LINGO2: variants seen among roughly 807,000 people sequenced by gnomAD.
LINGO2 encodes leucine rich repeat and Ig domain containing 2.
Under a neutral mutation model 30.6 loss-of-function variants are expected in LINGO2, and 14 were observed. That is an observed-to-expected ratio of 0.46 (90% CI 0.30 to 0.72). The LOEUF (loss-of-function observed/expected upper bound fraction) is 0.72. Ranked by LOEUF, LINGO2 falls within the 30% of genes least tolerant of loss-of-function variation. The pLI is 0.07. For synonymous variants in LINGO2, 317 were observed against 288.5 expected (o/e 1.10, Z -1.00); for missense variants, 729 against 751.7 (o/e 0.97, Z 0.35).
At chr9:28,260,006 C>T (rs949487351) in intron 4 of LINGO2, among the ~76,000 whole-genome samples, 3 of 151,800 alleles carry the variant, frequency 2.0e-5, no homozygotes, top group Non-Finnish European at 2.9e-5. Flanking sequence ...ATATTGTGCC[C>T]CATGGACAAC....
chr9:28,844,812 A>C, the LINGO2 span, among the ~76,000 whole-genome samples: 1 of 151,842 alleles, frequency 6.6e-6, no homozygotes, highest in Non-Finnish European at 1.5e-5. Context: ...CAAGATATAC[A>C]GTTTGTCATT....
chr9:28,160,806 G>T (rs1418776721), intron 4 of LINGO2, among the ~76,000 whole-genome samples: 1 of 152,094 alleles, frequency 6.6e-6, no homozygotes, highest in African/African-American at 2.4e-5. Flanking sequence ...TGAGTATCAG[G>T]TACTACACTG....
chr9:28,408,118 T>C (rs891771599), intron 2 of LINGO2, among the ~76,000 whole-genome samples: 3 of 152,150 alleles, frequency 2.0e-5, no homozygotes, highest in African/African-American at 7.2e-5. Context: ...TGAGGGACTG[T>C]TGGGTAAAAC....
At chr9:28,785,721 A>C in the LINGO2 span, among the ~76,000 whole-genome samples, 195 of 147,894 alleles carry the variant, frequency 1.3e-3, no homozygotes, top group African/African-American at 4.6e-3. Context: ...CACACACTAC[A>C]TCAACAATTT....
chr9:28,435,502 T>C (rs1336145578), intron 2 of LINGO2, among the ~76,000 whole-genome samples: 1 of 152,184 alleles, frequency 6.6e-6, no homozygotes, highest in East Asian at 1.9e-4. Flanking sequence ...TAATGATCTC[T>C]GGACTGTGAG....
intron 1 of LINGO2, among the ~76,000 whole-genome samples, chr9:28,589,508 C>A (rs1025048450): frequency 6.6e-5 from 10 of 152,152 alleles, no homozygotes; most frequent in African/African-American, 2.2e-4. Context: ...ACACCAATAA[C>A]AGACAAACAG....
chr9:28,356,419 T>C (rs757959047), intron 3 of LINGO2, among the ~76,000 whole-genome samples: 1 of 152,150 alleles, frequency 6.6e-6, no homozygotes, highest in African/African-American at 2.4e-5. Context: ...TTCTGGCAGC[T>C]ACAGAAACTG....
At chr9:28,599,345 C>G (rs1464763372) in intron 1 of LINGO2, 1 of 152,054 alleles carries the variant, frequency 6.6e-6, no homozygotes, top group Non-Finnish European at 1.5e-5. Flanking sequence ...GTATGTAATA[C>G]TGAACAATAT....
At chr9:28,311,701 T>TTTCAAG (rs1219896222) in intron 3 of LINGO2, among the ~76,000 whole-genome samples, 1 of 152,208 alleles carries the variant, frequency 6.6e-6, no homozygotes, top group Non-Finnish European at 1.5e-5. Context: ...CCTGTTCCTT[T>TTTCAAG]TTCAAGGTGC....
intron 2 of LINGO2, among the ~76,000 whole-genome samples, chr9:28,400,078 G>A (rs1822199340): frequency 6.6e-6 from 1 of 152,166 alleles, no homozygotes; most frequent in African/African-American, 2.4e-5. Context: ...ACACAATGGA[G>A]CTGACCACGG....
chr9:28,653,128 C>T (rs1441742723), intron 1 of LINGO2, among the ~76,000 whole-genome samples: 5 of 152,126 alleles, frequency 3.3e-5, no homozygotes. Context: ...GTCAGGCTTA[C>T]TGTATACAAA....
At chr9:28,829,531 C>T in the LINGO2 span, among the ~76,000 whole-genome samples, 1 of 152,200 alleles carries the variant, frequency 6.6e-6, no homozygotes, top group Non-Finnish European at 1.5e-5. Flanking sequence ...CAGAGTTTTG[C>T]TCCTGCCAGT....
At chr9:28,511,932 T>A (rs998360757) in intron 1 of LINGO2, among the ~76,000 whole-genome samples, 42 of 152,136 alleles carry the variant, frequency 2.8e-4, no homozygotes, top group African/African-American at 9.9e-4. Context: ...CTGCATATCA[T>A]GAAAAACCGT....
chr9:28,347,569 T>C (rs1246770600), intron 3 of LINGO2, among the ~76,000 whole-genome samples: 2 of 152,214 alleles, frequency 1.3e-5, no homozygotes, highest in African/African-American at 2.4e-5. Flanking sequence ...GATATCAATT[T>C]ATTCATTGAA....
At chr9:28,305,941 GATCT>G (rs1564109609) in intron 3 of LINGO2, among the ~76,000 whole-genome samples, 1 of 152,022 alleles carries the variant, frequency 6.6e-6, no homozygotes, top group Non-Finnish European at 1.5e-5. Context: ...GAATTTAAAA[GATCT>G]CTCTCTAAAT....
chr9:28,088,350 A>C (rs961480223), intron 4 of LINGO2, among the ~76,000 whole-genome samples: 12 of 152,020 alleles, frequency 7.9e-5, no homozygotes, highest in African/African-American at 2.9e-4. Flanking sequence ...ATACATTTGG[A>C]CCATGGCTAA....
At chr9:29,065,661 G>T in the LINGO2 span, among the ~76,000 whole-genome samples, 1 of 151,986 alleles carries the variant, frequency 6.6e-6, no homozygotes, top group African/African-American at 2.4e-5. Context: ...AAGTCTGCTT[G>T]CCTTTAAACC....
chr9:27,955,033 C>T (rs1236900339), intron 5 of LINGO2, among the ~76,000 whole-genome samples: 1 of 152,054 alleles, frequency 6.6e-6, no homozygotes, highest in Non-Finnish European at 1.5e-5. Flanking sequence ...TTTTCATATT[C>T]CTGTTGACTA....
intron 4 of LINGO2, among the ~76,000 whole-genome samples, chr9:28,281,118 G>C (rs554610150): frequency 6.6e-6 from 1 of 152,090 alleles, no homozygotes; most frequent in African/African-American, 2.4e-5. Context: ...GAGAGTTACT[G>C]GAAAAGAAGG....
Sources: allele counts gnomAD v4.1 joint callset (sites outside exome capture counted in the v4.1 genomes callset), GRCh38; gene constraint gnomAD v4.1.1; transcripts MANE v1.5; gene names NCBI Gene and HGNC (gene_info 2026-07-23, HGNC 2026-07-21).